The following PLCB4 variants were observed in gnomAD, a reference collection of about 807,000 sequenced individuals.
PLCB4 encodes the protein 1-phosphatidylinositol 4,5-bisphosphate phosphodiesterase beta-4.
In PLCB4, 77 loss-of-function variants were observed where a neutral mutation model predicts 178.8. The observed-to-expected ratio is 0.43, with a 90% CI of 0.36 to 0.52. PLCB4 has a LOEUF of 0.52. PLCB4 is among the 20% of genes least tolerant of loss of function. The probability of loss-of-function intolerance (pLI) is 0.00; values close to 1 mark genes in which losing one functional copy is unlikely to be tolerated. For missense variants in PLCB4, 1,024 were observed against 1,453.4 expected (o/e 0.70, Z 4.80); for synonymous variants, 496 against 490.8 (o/e 1.01, Z -0.14).
intron 25 of PLCB4, among the ~76,000 whole-genome samples, chr20:9,418,989 T>G (rs918050722): frequency 6.6e-6 from 1 of 152,158 alleles, no homozygotes; most frequent in Non-Finnish European, 1.5e-5. Context: ...GAAATACAAT[T>G]GACTTTTTAT....
At chr20:9,138,882 A>G (rs1476733920) in intron 2 of PLCB4, among the ~76,000 whole-genome samples, 1 of 152,130 alleles carries the variant, frequency 6.6e-6, no homozygotes, top group Non-Finnish European at 1.5e-5. Flanking sequence ...GCTGCTTACT[A>G]AGTAGGAAAC....
intron 2 of PLCB4, among the ~76,000 whole-genome samples, chr20:9,181,854 T>C (rs1004943798): frequency 6.6e-6 from 1 of 152,184 alleles, no homozygotes; most frequent in African/African-American, 2.4e-5. Context: ...AATTGTTCTG[T>C]AGAGCTTCTT....
chr20:9,462,892 A>T (rs1469984848), intron 35 of PLCB4, among the ~76,000 whole-genome samples: 2 of 152,204 alleles, frequency 1.3e-5, no homozygotes, highest in Non-Finnish European at 2.9e-5. Context: ...GCATGCCAAC[A>T]TTCAAATTCA....
At chr20:9,257,559 CA>C (rs1256973313) in intron 3 of PLCB4, among the ~76,000 whole-genome samples, 2 of 152,134 alleles carry the variant, frequency 1.3e-5, no homozygotes, top group Non-Finnish European at 2.9e-5. Context: ...CCAAATGTTT[CA>C]TGGTTCTTTG....
intron 32 of PLCB4, 77 bp downstream of exon 32, chr20:9,444,320 G>C: frequency 1.2e-6 from 1 of 826,422 alleles, no homozygotes; most frequent in South Asian, 1.5e-5. Context: ...CTTTGAAGCT[G>C]ATACCAGACC....
intron 3 of PLCB4, among the ~76,000 whole-genome samples, chr20:9,234,304 G>T (rs2093968665): frequency 6.6e-6 from 1 of 152,094 alleles, no homozygotes. Context: ...TTGGATATAT[G>T]AGTCTGGAGC....
At chr20:9,333,277 G>A (rs1236985421) in intron 4 of PLCB4, among the ~76,000 whole-genome samples, 1 of 152,156 alleles carries the variant, frequency 6.6e-6, no homozygotes, top group Non-Finnish European at 1.5e-5. Context: ...GGAGGTTGTT[G>A]CATTCTGGTG....
Position 9,479,271 on chromosome 20 carries a change from G to A in PLCB4, c.*262G>A. 1 of 453,430 alleles carries A rather than the reference G, an allele frequency of 2.2e-6. No individual in the cohort carries two copies. The highest frequency in any genetic ancestry group is 4.0e-6 in the Non-Finnish European group (1 of 249,882). 28.1% of individuals were successfully genotyped at this position (453,430 alleles called of 1,614,324 possible). On this transcript the variant is annotated 3_prime_UTR_variant, in exon 40 of 40. Coordinates refer to ENST00000378473, the MANE Select transcript of PLCB4 (RefSeq NM_001377142.1). ...ACCATTGATAATACAACTTAAACAT[G>A]TTTGCTATAAAATACCATCACAAGT...
At position 9,409,163 on chromosome 20, in the gene PLCB4, C is replaced by A. The variant is rs760752046; in HGVS notation, c.1981C>A (p.Leu661Met). ...FWNAGCQMVS[L>M]NYQTPDLAMQ... ...GAACGCTGGCTGCCAGATGGTTTCA[C>A]TGAACTATCAAACCCCAGGTAGGAG... The change falls in exon 24 of 40, where the codon CTG (leucine) becomes ATG (methionine). Residue 661 changes from leucine to methionine, a missense_variant. Leu to Met is a conservative substitution (Grantham distance 15). Coordinates refer to ENST00000378473, the MANE Select transcript of PLCB4 (RefSeq NM_001377142.1). 6.9e-6 allele frequency: 11 copies of A among 1,602,236 alleles called. No homozygotes were observed. Among genetic ancestry groups the A allele is most frequent in the Non-Finnish European group, 9.3e-6 (11 of 1,177,454 alleles).
intron 30 of PLCB4, 66 bp downstream of exon 30, chr20:9,437,218 A>G (rs2041828870): frequency 2.9e-6 from 4 of 1,378,040 alleles, no homozygotes; most frequent in Non-Finnish European, 4.0e-6. Flanking sequence ...TACAATATCT[A>G]TAGCTTTAGG....
At chr20:9,447,987 T>C (rs2042518856) in intron 32 of PLCB4, among the ~76,000 whole-genome samples, 1 of 152,206 alleles carries the variant, frequency 6.6e-6, no homozygotes, top group Non-Finnish European at 1.5e-5. Flanking sequence ...TTTACAAAAA[T>C]ATGTATTCTT....
intron 27 of PLCB4, 81 bp from the exon 28 acceptor site, chr20:9,423,667 G>T: frequency 9.7e-7 from 1 of 1,028,350 alleles, no homozygotes; most frequent in East Asian, 2.5e-5. Flanking sequence ...AGAACAGCAT[G>T]GATTTGGTCC....
chr20:9,476,459 T>TTCTC (rs981228414), intron 38 of PLCB4, among the ~76,000 whole-genome samples: 1 of 152,186 alleles, frequency 6.6e-6, no homozygotes, highest in African/African-American at 2.4e-5. Context: ...AAAGGCCAGG[T>TTCTC]TCTCCACTTA....
intron 3 of PLCB4, among the ~76,000 whole-genome samples, chr20:9,218,643 C>A (rs762423441): frequency 6.6e-6 from 1 of 152,170 alleles, no homozygotes; most frequent in Non-Finnish European, 1.5e-5. Context: ...TGGCAGTGCC[C>A]GTGGCTGATT....
chr20:9,360,529 G>A (rs1168425788), intron 7 of PLCB4, among the ~76,000 whole-genome samples: 1 of 150,868 alleles, frequency 6.6e-6, no homozygotes, highest in African/African-American at 2.4e-5. Context: ...TTTAGAACAT[G>A]TAGTAAGCCT....
intron 3 of PLCB4, among the ~76,000 whole-genome samples, chr20:9,306,670 T>C (rs949465426): frequency 1.3e-5 from 2 of 152,220 alleles, no homozygotes; most frequent in Non-Finnish European, 2.9e-5. Context: ...TGTTCTTCCA[T>C]GTTCTTTGCA....
chr20:9,365,538 G>T, intron 9 of PLCB4, 24 bp downstream of exon 9: 3 of 1,507,340 alleles, frequency 2.0e-6, no homozygotes, highest in Non-Finnish European at 2.8e-6. Context: ...CCTATCTGCT[G>T]TCCGTGTCCC....
chr20:9,444,932 G>A (rs575652326), intron 32 of PLCB4, among the ~76,000 whole-genome samples: 1 of 152,304 alleles, frequency 6.6e-6, no homozygotes, highest in South Asian at 2.1e-4. Context: ...CCCACTCACA[G>A]CACCTAGAGA....
chr20:9,195,493 G>T (rs2147160373), intron 2 of PLCB4, among the ~76,000 whole-genome samples: 1 of 152,356 alleles, frequency 6.6e-6, no homozygotes, highest in African/African-American at 2.4e-5. Context: ...ACCAGTGCAG[G>T]TGGGTATCAT....
Sources: allele counts gnomAD v4.1 joint callset (sites outside exome capture counted in the v4.1 genomes callset), GRCh38; gene constraint gnomAD v4.1.1; transcripts MANE v1.5; gene names NCBI Gene and HGNC (gene_info 2026-07-23, HGNC 2026-07-21).